RNF180: variants seen among roughly 807,000 people sequenced by gnomAD.
The protein encoded by RNF180 is ring finger protein 180, also known as E3 ubiquitin-protein ligase RNF180.
In RNF180, 38 loss-of-function variants were observed where a neutral mutation model predicts 59.2. That is an observed-to-expected ratio of 0.64 (90% CI 0.50 to 0.84). RNF180 has a LOEUF of 0.84. Ranked by LOEUF, RNF180 falls within the 40% of genes least tolerant of loss-of-function variation. The pLI is 0.00. For missense variants in RNF180, 705 were observed against 700.9 expected (o/e 1.01, Z -0.07); for synonymous variants, 262 against 240.3 (o/e 1.09, Z -0.84).
At chr5:64,323,087 A>G (rs1029949856) in intron 5 of RNF180, among the ~76,000 whole-genome samples, 2 of 152,256 alleles carry the variant, frequency 1.3e-5, no homozygotes, top group African/African-American at 4.8e-5. Context: ...GTTAAAATGC[A>G]TAGATTAACA....
chr5:64,279,560 T>C (rs1373926587), intron 5 of RNF180, among the ~76,000 whole-genome samples: 2 of 152,342 alleles, frequency 1.3e-5, no homozygotes, highest in East Asian at 3.9e-4. Flanking sequence ...TTTAAAAGTA[T>C]GCTTATACAT....
At chr5:64,243,629 G>A (rs948057933) in intron 5 of RNF180, among the ~76,000 whole-genome samples, 8 of 152,322 alleles carry the variant, frequency 5.3e-5, no homozygotes, top group South Asian at 2.1e-4. Context: ...CCCTAGGACA[G>A]AGCAGCTGGG....
intron 1 of RNF180, among the ~76,000 whole-genome samples, chr5:64,196,465 A>G (rs907934112): frequency 4.6e-5 from 7 of 152,038 alleles, no homozygotes; most frequent in Non-Finnish European, 1.0e-4. Context: ...TAAATGTTGA[A>G]TTTCACTGAG....
At chr5:64,252,139 C>G (rs772072151) in intron 5 of RNF180, among the ~76,000 whole-genome samples, 1 of 152,150 alleles carries the variant, frequency 6.6e-6, no homozygotes, top group Non-Finnish European at 1.5e-5. Context: ...TACTACAGAT[C>G]TATAGCAACC....
At chr5:64,351,451 G>T (rs1395558439) in intron 7 of RNF180, among the ~76,000 whole-genome samples, 1 of 152,270 alleles carries the variant, frequency 6.6e-6, no homozygotes, top group East Asian at 1.9e-4. Flanking sequence ...TTGAATAGGA[G>T]TGGTGAGAGA....
intron 1 of RNF180, among the ~76,000 whole-genome samples, chr5:64,190,774 C>T (rs1412404044): frequency 6.6e-6 from 1 of 152,160 alleles, no homozygotes; most frequent in African/African-American, 2.4e-5. Flanking sequence ...TGTGAGGACA[C>T]AGTAAGAATG....
chr5:64,270,758 G>T (rs534440073), intron 5 of RNF180, among the ~76,000 whole-genome samples: 2 of 152,072 alleles, frequency 1.3e-5, no homozygotes, highest in African/African-American at 4.8e-5. Context: ...TGACTATTTT[G>T]CTTCTCTCAT....
At chr5:64,333,878 G>T (rs1745016947) in intron 7 of RNF180, among the ~76,000 whole-genome samples, 6 of 152,200 alleles carry the variant, frequency 3.9e-5, no homozygotes, top group Admixed American at 3.3e-4. Context: ...GCTGAGCTGG[G>T]AAAGAGCTGA....
At chr5:64,287,989 T>C (rs923906305) in intron 5 of RNF180, among the ~76,000 whole-genome samples, 49 of 152,256 alleles carry the variant, frequency 3.2e-4, no homozygotes, top group African/African-American at 1.0e-3. Flanking sequence ...GCCTATGTCC[T>C]GAATGGTATT....
chr5:64,331,852 C>T (rs115838952), intron 7 of RNF180, among the ~76,000 whole-genome samples: 1,849 of 152,234 alleles, frequency 0.012, 33 homozygotes, highest in South Asian at 0.016. Context: ...GTGACACCCT[C>T]CTTGGGGTTC....
intron 5 of RNF180, among the ~76,000 whole-genome samples, chr5:64,269,918 G>C (rs1744912505): frequency 6.6e-6 from 1 of 152,050 alleles, no homozygotes; most frequent in African/African-American, 2.4e-5. Flanking sequence ...AAATGCTACA[G>C]GCATTCATTG....
At chr5:64,176,704 C>G (rs1216052627) in intron 1 of RNF180, among the ~76,000 whole-genome samples, 2 of 152,162 alleles carry the variant, frequency 1.3e-5, no homozygotes, top group Non-Finnish European at 2.9e-5. Context: ...TTTATAATCT[C>G]TTTACCTGAT....
At chr5:64,333,675 C>T (rs1216732624) in intron 7 of RNF180, among the ~76,000 whole-genome samples, 1 of 152,136 alleles carries the variant, frequency 6.6e-6, no homozygotes, top group Non-Finnish European at 1.5e-5. Context: ...CTACACTTTC[C>T]CTTGTCTTTT....
At chr5:64,227,873 T>TA in intron 5 of RNF180, among the ~76,000 whole-genome samples, 1 of 152,362 alleles carries the variant, frequency 6.6e-6, no homozygotes, top group Admixed American at 6.5e-5. Context: ...AACCAAGATG[T>TA]ACACTGCCAA....
intron 2 of RNF180, among the ~76,000 whole-genome samples, chr5:64,205,233 G>A (rs1340288157): frequency 1.3e-5 from 2 of 152,104 alleles, no homozygotes; most frequent in Non-Finnish European, 2.9e-5. Flanking sequence ...TTAGCTTGGT[G>A]TGGAATTTGA....
chr5:64,165,728 G>T (rs1373955429), upstream of RNF180: 1 of 152,310 alleles, frequency 6.6e-6, no homozygotes, highest in African/African-American at 2.4e-5. Flanking sequence ...GAGCAGGGCC[G>T]CTGGCTGTGG....
At chr5:64,234,832 C>T (rs558226481) in intron 5 of RNF180, among the ~76,000 whole-genome samples, 1 of 151,898 alleles carries the variant, frequency 6.6e-6, no homozygotes, top group African/African-American at 2.4e-5. Flanking sequence ...ATCTCCTGAC[C>T]TCATGATCCA....
intron 7 of RNF180, among the ~76,000 whole-genome samples, chr5:64,337,487 AAT>A (rs1450940061): frequency 8.5e-5 from 13 of 152,158 alleles, no homozygotes; most frequent in Admixed American, 3.3e-4. Flanking sequence ...GTTGTCTAGA[AAT>A]ATATTTTTTT....
intron 5 of RNF180, among the ~76,000 whole-genome samples, chr5:64,317,099 T>C (rs1356041984): frequency 6.6e-6 from 1 of 152,142 alleles, no homozygotes; most frequent in Non-Finnish European, 1.5e-5. Context: ...AATCCACATA[T>C]AAGTGGACCC....
Sources: gnomAD v4.1 joint callset for allele counts (sites outside exome capture counted in the v4.1 genomes callset) on GRCh38, gnomAD v4.1.1 for gene constraint, MANE v1.5 for transcripts, NCBI Gene and HGNC (gene_info 2026-07-23, HGNC 2026-07-21) for gene names.